VWA3B: variants seen among roughly 807,000 people sequenced by gnomAD.
VWA3B encodes the protein von Willebrand factor A domain containing 3B, also known as von Willebrand factor A domain-containing protein 3B.
In VWA3B, 138 loss-of-function variants were observed where a neutral mutation model predicts 158.3. That is an observed-to-expected ratio of 0.87 (90% CI 0.76 to 1.00). VWA3B has a LOEUF of 1.00. Ranked by LOEUF, VWA3B falls within the 50% of genes least tolerant of loss-of-function variation. VWA3B has a pLI of 0.00. For synonymous variants in VWA3B, 596 were observed against 587.3 expected (o/e 1.01, Z -0.21); for missense variants, 1,555 against 1,565.1 (o/e 0.99, Z 0.11).
chr2:98,098,335 A>G (rs1286153569), intron 2 of VWA3B, among the ~76,000 whole-genome samples: 1 of 152,094 alleles, frequency 6.6e-6, no homozygotes, highest in Non-Finnish European at 1.5e-5. Context: ...TTATTGTACT[A>G]TTATTGCATT....
In VWA3B at chr2:98,305,918, C is replaced by T. The variant is rs116438168; in HGVS notation, c.3521+2116C>T. Among the ~76,000 whole-genome samples, 528 of 152,228 alleles carry T rather than the reference C, an allele frequency of 3.5e-3. 3 individuals carry two copies. Among genetic ancestry groups the T allele is most frequent in the African/African-American group, 0.012 (513 of 41,546 alleles). Reference sequence around the variant, plus strand: ...CTTCAGAGCCCCATCCCCATCACCCCTTCTTATCACAGCTTAGCTTCTTGT... The same window carrying T: ...CTTCAGAGCCCCATCCCCATCACCCTTTCTTATCACAGCTTAGCTTCTTGT... On this transcript the variant is annotated intron_variant, in intron 26 of 27. Transcript: ENST00000477737.
intron 20 of VWA3B, among the ~76,000 whole-genome samples, chr2:98,251,234 A>G (rs945289784): frequency 2.6e-5 from 4 of 152,166 alleles, no homozygotes; most frequent in Non-Finnish European, 5.9e-5. Context: ...TCCCTTTCCA[A>G]TATCCATAAA....
At chr2:98,292,033 C>G (rs1390628462) in intron 23 of VWA3B, 2 of 146,078 alleles carry the variant, frequency 1.4e-5, no homozygotes, top group Non-Finnish European at 3.0e-5. Flanking sequence ...CACTTAAGGT[C>G]AGGAGTTCAA....
chr2:98,142,455 A>G (rs1247713458), intron 7 of VWA3B, among the ~76,000 whole-genome samples: 1 of 152,076 alleles, frequency 6.6e-6, no homozygotes, highest in East Asian at 1.9e-4. Flanking sequence ...GTAAACCGTA[A>G]TACCTCTCCT....
intron 23 of VWA3B, among the ~76,000 whole-genome samples, chr2:98,292,724 G>C (rs1689569357): frequency 1.3e-5 from 2 of 152,088 alleles, no homozygotes; most frequent in Non-Finnish European, 2.9e-5. Context: ...CAGCACTTTG[G>C]GAGGCCAAGG....
chr2:98,098,232 G>A lies in VWA3B; in HGVS notation c.196+4944G>A, dbSNP rs375955232. 6.6e-4 allele frequency among the ~76,000 whole-genome samples: 101 copies of A among 152,078 alleles called. 1 individual carries two copies. Among genetic ancestry groups the A allele is most frequent in the African/African-American group, 2.2e-3 (93 of 41,514 alleles). On this transcript the variant is annotated intron_variant, in intron 2 of 27. Coordinates refer to ENST00000477737, the MANE Select transcript of VWA3B (RefSeq NM_144992.5). The stretch of plus-strand genomic sequence containing the variant: ...AGAATGTTCTGTGTATGTTTATTTG[G>A]TCTAGAGTTCAGTTTAAATCTAACA...
chr2:98,099,970 G>T (rs975089830), intron 2 of VWA3B, among the ~76,000 whole-genome samples: 1 of 151,932 alleles, frequency 6.6e-6, no homozygotes, highest in African/African-American at 2.4e-5. Context: ...TCCTTATTTT[G>T]TTGAATTGTT....
At chr2:98,164,973 A>G (rs1678941424) in intron 8 of VWA3B, among the ~76,000 whole-genome samples, 1 of 152,252 alleles carries the variant, frequency 6.6e-6, no homozygotes, top group Non-Finnish European at 1.5e-5. Context: ...ATTCTTCTGC[A>G]CAACGACTAT....
intron 16 of VWA3B, among the ~76,000 whole-genome samples, chr2:98,233,824 T>G (rs7578802): frequency 0.62 from 94,335 of 152,032 alleles, 29,555 homozygotes; most frequent in South Asian, 0.84. Flanking sequence ...CATAAAGCCT[T>G]GGAACTAGGT....
At chr2:98,159,971 C>G (rs924632288) in intron 7 of VWA3B, among the ~76,000 whole-genome samples, 34 of 150,170 alleles carry the variant, frequency 2.3e-4, no homozygotes, top group Admixed American at 1.5e-3. Context: ...GATCGTGCTA[C>G]TGCACTCCAG....
chr2:98,131,190 G>A (rs1016591607), intron 6 of VWA3B, among the ~76,000 whole-genome samples: 1 of 152,144 alleles, frequency 6.6e-6, no homozygotes, highest in African/African-American at 2.4e-5. Context: ...CTACCCATGA[G>A]TGAGAACATG....
Position 98,202,627 on chromosome 2 carries a change from GT to G in VWA3B, c.1737+8137del, listed in dbSNP as rs145070947. 3.3e-5 allele frequency among the ~76,000 whole-genome samples: 5 copies of G among 152,024 alleles called. No homozygotes were observed. In the East Asian group the frequency reaches 9.7e-4, roughly 29 times the overall value. ...GCCACCCCCAGCTACTGCTTTAGCT[GT>G]TCCCACAAATTACGTTTTATAACTA... On this transcript the variant is annotated intron_variant, in intron 12 of 27. Coordinates refer to ENST00000477737, the MANE Select transcript of VWA3B (RefSeq NM_144992.5).
At chr2:98,303,591 AATAGGATAATG>A (rs1284565882) in intron 25 of VWA3B, 100 bp from the exon 26 acceptor site, 1 of 972,602 alleles carries the variant, frequency 1.0e-6, no homozygotes, top group African/African-American at 1.6e-5. Flanking sequence ...TGTCACCCTG[AATAGGATAATG>A]ACTAGAAGCT....
chr2:98,259,286 A>G (rs1687339945), intron 21 of VWA3B, among the ~76,000 whole-genome samples: 1 of 151,808 alleles, frequency 6.6e-6, no homozygotes, highest in Non-Finnish European at 1.5e-5. Context: ...ACTGTTAAGA[A>G]GTATTCCCTC....
chr2:98,129,364 CAGAG>C (rs1675672849), intron 6 of VWA3B, among the ~76,000 whole-genome samples: 1 of 150,734 alleles, frequency 6.6e-6, no homozygotes, highest in Non-Finnish European at 1.5e-5. Flanking sequence ...GAGAGAGAGA[CAGAG>C]AGACAGAGAG....
At chr2:98,193,673 G>A (rs1342859836) in intron 11 of VWA3B, among the ~76,000 whole-genome samples, 1 of 150,464 alleles carries the variant, frequency 6.6e-6, no homozygotes, top group Non-Finnish European at 1.5e-5. Context: ...CCGGCTCACT[G>A]CAAGCTCCGC....
chr2:98,249,360 G>C (rs371788056), intron 19 of VWA3B, among the ~76,000 whole-genome samples: 12 of 152,020 alleles, frequency 7.9e-5, no homozygotes, highest in South Asian at 6.2e-4. Flanking sequence ...TATGCAAATA[G>C]GTAAACATAA....
chr2:98,155,293 G>A (rs896420434), intron 7 of VWA3B, among the ~76,000 whole-genome samples: 49 of 152,304 alleles, frequency 3.2e-4, no homozygotes, highest in African/African-American at 1.2e-3. Context: ...CGTAGGAAGA[G>A]GTAAGTCTAT....
At chr2:98,226,209 G>C (rs1308966767) in intron 14 of VWA3B, among the ~76,000 whole-genome samples, 1 of 152,212 alleles carries the variant, frequency 6.6e-6, no homozygotes, top group Non-Finnish European at 1.5e-5. Flanking sequence ...TCATCAAGAT[G>C]TATTTGCTCT....
Sources: gnomAD v4.1 joint callset for allele counts (sites outside exome capture counted in the v4.1 genomes callset) on GRCh38, gnomAD v4.1.1 for gene constraint, MANE v1.5 for transcripts, NCBI Gene and HGNC (gene_info 2026-07-23, HGNC 2026-07-21) for gene names.